BEND6: variants seen among roughly 807,000 people sequenced by gnomAD.
BEND6 encodes the protein BEN domain containing 6, also known as BEN domain-containing protein 6.
BEND6 carries 24 observed loss-of-function variants against 31.8 expected under a neutral mutation model. That is an observed-to-expected ratio of 0.75 (90% CI 0.55 to 1.06). BEND6 has a LOEUF of 1.06. Ranked by LOEUF, BEND6 falls within the 50% of genes least tolerant of loss-of-function variation. The probability of loss-of-function intolerance (pLI) is 0.00; values close to 1 mark genes in which losing one functional copy is unlikely to be tolerated. For missense variants in BEND6, 294 were observed against 327.4 expected (o/e 0.90, Z 0.79); for synonymous variants, 109 against 114.6 (o/e 0.95, Z 0.31).
chr6:57,011,728 A>AG (rs1393348933), intron 3 of BEND6, among the ~76,000 whole-genome samples: 62 of 147,936 alleles, frequency 4.2e-4, no homozygotes, highest in African/African-American at 1.5e-3. Context: ...AAAAAAAAAA[A>AG]AAAAAAAGAA....
At chr6:56,975,594 C>T (rs1411781862) in intron 1 of BEND6, 3 of 323,762 alleles carry the variant, frequency 9.3e-6, no homozygotes, top group Non-Finnish European at 1.9e-5. Flanking sequence ...TATTTCTTCT[C>T]GAAAGCACTC....
At chr6:56,964,899 C>A (rs1825415529) in intron 1 of BEND6, among the ~76,000 whole-genome samples, 1 of 152,194 alleles carries the variant, frequency 6.6e-6, no homozygotes, top group African/African-American at 2.4e-5. Context: ...TCCTGGGCCT[C>A]AGCTGGCTTA....
chr6:57,014,396 T>C, intron 3 of BEND6: 1 of 1,029,576 alleles, frequency 9.7e-7, no homozygotes, highest in South Asian at 1.9e-5. Context: ...AACCATATAG[T>C]GAGGAACTGA....
intron 3 of BEND6, among the ~76,000 whole-genome samples, chr6:56,998,337 A>G (rs1308020690): frequency 6.6e-6 from 1 of 152,192 alleles, no homozygotes; most frequent in African/African-American, 2.4e-5. Context: ...ACTAAGAAAA[A>G]TGGCAGAATG....
At chr6:57,022,348 A>G (rs185777133) in intron 6 of BEND6, among the ~76,000 whole-genome samples, 2 of 151,214 alleles carry the variant, frequency 1.3e-5, no homozygotes, top group East Asian at 1.9e-4. Context: ...TCATGGTTCA[A>G]TCTTGCTAGG....
intron 1 of BEND6, among the ~76,000 whole-genome samples, chr6:56,972,900 C>T (rs1825738866): frequency 6.6e-6 from 1 of 152,158 alleles, no homozygotes; most frequent in Admixed American, 6.5e-5. Flanking sequence ...TTGCTGTGTC[C>T]TCACATGACA....
At chr6:56,985,818 G>A (rs1592991048) in intron 2 of BEND6, among the ~76,000 whole-genome samples, 1 of 152,124 alleles carries the variant, frequency 6.6e-6, no homozygotes, top group South Asian at 2.1e-4. Context: ...TTCCTGTTCT[G>A]TCAATTCTTA....
rs368989764 is a variant in BEND6, at chr6:57,021,951, T to C, written c.*9+3394T>C. ...AACTGGTGGTACTTCTGGCATCCGGTGGTCAGAGGCCAGGGATGCTGCTAA... is the reference window on the plus strand; with the variant it reads ...AACTGGTGGTACTTCTGGCATCCGGCGGTCAGAGGCCAGGGATGCTGCTAA... On this transcript the variant is annotated intron_variant, in intron 6 of 6. Transcript: ENST00000370746. Among the ~76,000 whole-genome samples, 11 of 152,222 alleles carry C rather than the reference T, an allele frequency of 7.2e-5. No homozygotes were observed. In the East Asian group the frequency reaches 1.5e-3, roughly 21 times the overall value.
At chr6:56,998,064 A>G (rs1176171155) in intron 3 of BEND6, among the ~76,000 whole-genome samples, 1 of 152,186 alleles carries the variant, frequency 6.6e-6, no homozygotes, top group Non-Finnish European at 1.5e-5. Context: ...GAAAGGTGCT[A>G]TGGAAAAAAT....
intron 3 of BEND6, among the ~76,000 whole-genome samples, chr6:57,002,476 C>G (rs1826979393): frequency 6.6e-6 from 1 of 152,132 alleles, no homozygotes; most frequent in South Asian, 2.1e-4. Flanking sequence ...CAGAGCAAAT[C>G]TCAATAAATT....
Position 56,992,468 on chromosome 6 carries a change from T to A in BEND6, c.211T>A (p.Cys71Ser), listed in dbSNP as rs778944023. Reference protein sequence around the residue: ...PLAELSKEELCAKIKSLKEKL... With the variant: ...PLAELSKEELSAKIKSLKEKL... ...AGCAGAATTGTCAAAGGAAGAATTG[T>A]GCGCCAAAATAAAAAGCCTGAAAGA... The change falls in exon 3 of 7, where the codon TGC becomes AGC. Residue 71 changes from cysteine (C) to serine (S), a missense_variant. Transcript: ENST00000370746. 2 of 1,614,130 alleles carry A rather than the reference T, an allele frequency of 1.2e-6. No homozygotes were observed. The highest frequency in any genetic ancestry group is 4.5e-5 in the East Asian group (2 of 44,880).
intron 2 of BEND6, among the ~76,000 whole-genome samples, chr6:56,987,840 GAT>G (rs913992141): frequency 6.6e-6 from 1 of 151,608 alleles, no homozygotes; most frequent in Non-Finnish European, 1.5e-5. Context: ...TCCAGATTTG[GAT>G]ATATATATAC....
chr6:57,007,060 T>C (rs1168087657), intron 3 of BEND6, among the ~76,000 whole-genome samples: 1 of 151,778 alleles, frequency 6.6e-6, no homozygotes, highest in Non-Finnish European at 1.5e-5. Context: ...GGGGCCGAGG[T>C]GGGAAAATCA....
At position 57,004,687 on chromosome 6, in the gene BEND6, T is replaced by C; in HGVS notation, c.299-10446T>C. On this transcript the variant is annotated intron_variant, in intron 3 of 6. Transcript: ENST00000370746. The stretch of plus-strand genomic sequence containing the variant: ...TTTGGAAAAAAAAAATGTGAATCAG[T>C]CACTACTGGAACTGCACAAACTGGC... 10 of 1,522,540 alleles carry C rather than the reference T, an allele frequency of 6.6e-6. No individual in the cohort carries two copies. In the South Asian group the frequency reaches 1.1e-4, roughly 17 times the overall value. The allele number at this position is 1,522,540 out of a possible 1,614,324, so 94.3% of individuals were successfully genotyped here.
chr6:56,973,828 C>T (rs1356402949), intron 1 of BEND6, among the ~76,000 whole-genome samples: 2 of 152,196 alleles, frequency 1.3e-5, no homozygotes, highest in East Asian at 3.9e-4. Flanking sequence ...AATTAGGGCT[C>T]TCCACAGCCT....
rs6903324 is a variant in BEND6, at chr6:57,015,664, A to G, written c.519+311A>G. 4.6e-3 allele frequency among the ~76,000 whole-genome samples: 700 copies of G among 151,240 alleles called. 5 individuals carry two copies. The highest frequency in any genetic ancestry group is 0.016 in the African/African-American group (670 of 41,284). The stretch of plus-strand genomic sequence containing the variant: ...TACAAAAAAAAAAAAAATTAACCGG[A>G]CGTGATGACGGGCACCTGTAGTCCC... On this transcript the variant is annotated intron_variant, in intron 4 of 6. Coordinates refer to ENST00000370746, the MANE Select transcript of BEND6 (RefSeq NM_152731.3).
chr6:56,991,316 G>T (rs1338831315), intron 2 of BEND6, among the ~76,000 whole-genome samples: 2 of 151,322 alleles, frequency 1.3e-5, no homozygotes, highest in South Asian at 2.1e-4. Flanking sequence ...TAGGCTCTAG[G>T]GATTGAAAAC....
intron 6 of BEND6, among the ~76,000 whole-genome samples, chr6:57,023,351 A>T (rs553083358): frequency 1.3e-5 from 2 of 152,324 alleles, no homozygotes; most frequent in East Asian, 3.9e-4. Context: ...CTCTTGCTGA[A>T]ATGACTTCCT....
At chr6:57,009,533 A>G in intron 3 of BEND6, 1 of 152,224 alleles carries the variant, frequency 6.6e-6, no homozygotes, top group East Asian at 1.9e-4. Context: ...AATATCATTA[A>G]CCATTAAAGG....
Sources: allele counts gnomAD v4.1 joint callset (sites outside exome capture counted in the v4.1 genomes callset), GRCh38; gene constraint gnomAD v4.1.1; transcripts MANE v1.5; gene names NCBI Gene and HGNC (gene_info 2026-07-23, HGNC 2026-07-21).